Variants in EGFLAM observed in about 807,000 individuals in gnomAD.
The protein encoded by EGFLAM is pikachurin.
EGFLAM carries 79 observed loss-of-function variants against 113.1 expected under a neutral mutation model. The ratio of observed to expected loss-of-function variants is 0.70; its 90% CI spans 0.58 to 0.84. EGFLAM has a LOEUF of 0.84. Ranked by LOEUF, EGFLAM falls within the 40% of genes least tolerant of loss-of-function variation. EGFLAM has a pLI of 0.00. For synonymous variants in EGFLAM, 504 were observed against 487.6 expected (o/e 1.03, Z -0.44); for missense variants, 1,265 against 1,291.6 (o/e 0.98, Z 0.32).
intron 1 of EGFLAM, among the ~76,000 whole-genome samples, chr5:38,267,155 C>T (rs1324232209): frequency 6.6e-6 from 1 of 152,222 alleles, no homozygotes; most frequent in Non-Finnish European, 1.5e-5. Context: ...TCTAAAGACA[C>T]TTGACAATTC....
At chr5:38,358,222 G>T (rs1739814987) in intron 5 of EGFLAM, among the ~76,000 whole-genome samples, 1 of 151,470 alleles carries the variant, frequency 6.6e-6, no homozygotes, top group Non-Finnish European at 1.5e-5. Context: ...GAGGTGGGTG[G>T]ATCACGAGGT....
rs1743422945 is a variant in EGFLAM at position 38,465,020 on chromosome 5, T to TATTC, written c.*1048_*1051dup. On this transcript the variant is annotated 3_prime_UTR_variant, in exon 22 of 22. Transcript: ENST00000322350. ...GAATAAAGGGGACAAAGCTAGAACT[T>TATTC]ATTCATTCATTCATTCACTTATGGA... The TATTC allele has an allele frequency of 6.6e-6, 1 of 152,222 alleles. No individual in the cohort carries two copies. The highest frequency in any genetic ancestry group is 2.1e-4 in the South Asian group (1 of 4,828). The allele number at this position is 152,222 out of a possible 1,614,324, so 9.4% of individuals were successfully genotyped here.
chr5:38,268,560 T>C (rs575522352), intron 1 of EGFLAM, among the ~76,000 whole-genome samples: 2 of 152,294 alleles, frequency 1.3e-5, no homozygotes, highest in South Asian at 4.1e-4. Flanking sequence ...GTTCCTGAAA[T>C]GACAAGAGGA....
chr5:38,295,057 C>G (rs1250629027), intron 1 of EGFLAM, among the ~76,000 whole-genome samples: 2 of 152,154 alleles, frequency 1.3e-5, no homozygotes, highest in African/African-American at 2.4e-5. Flanking sequence ...GAACTCCTGA[C>G]CTCAGGTGAT....
intron 6 of EGFLAM, among the ~76,000 whole-genome samples, chr5:38,392,088 CT>C (rs1740829051): frequency 6.6e-6 from 1 of 152,186 alleles, no homozygotes; most frequent in African/African-American, 2.4e-5. Context: ...GTTATCTTTT[CT>C]GCTCCTCTCC....
At chr5:38,320,173 C>T (rs537370706) in intron 1 of EGFLAM, among the ~76,000 whole-genome samples, 1 of 152,332 alleles carries the variant, frequency 6.6e-6, no homozygotes. Context: ...ACTACTGTTG[C>T]CTCACACAAG....
rs555414321 is a variant in EGFLAM at position 38,407,877 on chromosome 5, A to G, written c.1220A>G (p.Gln407Arg). ...VTFEPLKNSY[Q>R]AFQITLEFRA... Reference sequence around the variant, plus strand: ...TTTGAACCTCTGAAGAATTCTTATCAGGCATTTCAAATTACTCTTGAATTT... The same window carrying G: ...TTTGAACCTCTGAAGAATTCTTATCGGGCATTTCAAATTACTCTTGAATTT... Residue 407 changes from glutamine to arginine, a missense_variant, in exon 9 of 22, where the codon CAG (glutamine) becomes CGG (arginine). By Grantham distance (43) the Gln-to-Arg change is conservative (BLOSUM62 1). Coordinates refer to ENST00000322350, the MANE Select transcript of EGFLAM (RefSeq NM_152403.4). 5 of 1,613,486 alleles carry G rather than the reference A, an allele frequency of 3.1e-6. No individual in the cohort carries two copies. In the Admixed American group the frequency reaches 6.7e-5, roughly 22 times the overall value.
At chr5:38,461,886 C>T (rs907896200) in intron 20 of EGFLAM, among the ~76,000 whole-genome samples, 1 of 152,108 alleles carries the variant, frequency 6.6e-6, no homozygotes. Context: ...GAGCCACTGG[C>T]CGGGTGCAGT....
At chr5:38,295,076 C>T (rs1196988548) in intron 1 of EGFLAM, among the ~76,000 whole-genome samples, 4 of 152,218 alleles carry the variant, frequency 2.6e-5, no homozygotes, top group Non-Finnish European at 5.9e-5. Context: ...ATCTACCCAC[C>T]TTGGCCTCCC....
At chr5:38,446,662 C>A (rs11737983) in intron 17 of EGFLAM, among the ~76,000 whole-genome samples, 25,323 of 152,098 alleles carry the variant, frequency 0.17, 2,776 homozygotes, top group African/African-American at 0.31. Flanking sequence ...CTTCAGAGAA[C>A]CACAGAGCAA....
At chr5:38,335,429 T>C (rs1482979914) in intron 1 of EGFLAM, among the ~76,000 whole-genome samples, 2 of 152,190 alleles carry the variant, frequency 1.3e-5, no homozygotes, top group Non-Finnish European at 2.9e-5. Context: ...TATGATCCTA[T>C]CCTCCTGTGG....
chr5:38,288,946 TG>T, intron 1 of EGFLAM, among the ~76,000 whole-genome samples: 1 of 152,276 alleles, frequency 6.6e-6, no homozygotes, highest in Non-Finnish European at 1.5e-5. Flanking sequence ...GTCCTATAAT[TG>T]GGTCTGTGAT....
rs539833303 is a variant in EGFLAM at position 38,272,072 on chromosome 5, A to G, written c.97+13221A>G. ...ATTTCAGTATGATTCAGAGAAGTGA[A>G]TGCCCCAGGGAGTCACTTTGAAGCA... On this transcript the variant is annotated intron_variant, in intron 1 of 21. Coordinates refer to ENST00000322350, the MANE Select transcript of EGFLAM (RefSeq NM_152403.4). 3.3e-5 allele frequency among the ~76,000 whole-genome samples: 5 copies of G among 152,366 alleles called. No individual in the cohort carries two copies. In the South Asian group the frequency reaches 1.0e-3, roughly 32 times the overall value.
chr5:38,462,846 ATGAT>A (rs1743333908), intron 20 of EGFLAM, 58 bp from the exon 21 acceptor site: 1 of 1,548,894 alleles, frequency 6.5e-7, no homozygotes, highest in Non-Finnish European at 8.9e-7. Context: ...AAATGAATGA[ATGAT>A]TGAATGAACT....
chr5:38,443,068 C>A (rs2112239811), intron 17 of EGFLAM, among the ~76,000 whole-genome samples: 2 of 152,052 alleles, frequency 1.3e-5, no homozygotes, highest in South Asian at 4.2e-4. Context: ...GAGTTTGGGA[C>A]TAGCCTGGGC....
At chr5:38,349,775 A>G (rs2561112) in intron 3 of EGFLAM, among the ~76,000 whole-genome samples, 2,984 of 22,944 alleles carry the variant, frequency 0.13, 31 homozygotes, top group East Asian at 0.31. Flanking sequence ...GTACACACGC[A>G]CACACACACA....
At chr5:38,356,587 T>TTC (rs1561291607) in intron 5 of EGFLAM, among the ~76,000 whole-genome samples, 2 of 152,202 alleles carry the variant, frequency 1.3e-5, no homozygotes. Context: ...CCCATGTCCT[T>TTC]TCATGTTTGT....
In EGFLAM at chr5:38,464,052, T is replaced by G. The variant is rs542561729; in HGVS notation, c.*66T>G. 101 of 1,597,712 alleles carry G rather than the reference T, an allele frequency of 6.3e-5. 1 individual carries two copies. In the African/African-American group the frequency reaches 1.2e-3, roughly 19 times the overall value. On this transcript the variant is annotated 3_prime_UTR_variant, in exon 22 of 22. Coordinates refer to ENST00000322350, the MANE Select transcript of EGFLAM (RefSeq NM_152403.4). The stretch of plus-strand genomic sequence containing the variant: ...GAGAATCCCAGGGGCCCTCAGACCC[T>G]GCCTGATGCTATATGCAGAGGCCCA...
chr5:38,370,251 G>A, intron 5 of EGFLAM, 45 bp from the exon 6 acceptor site: 1 of 1,588,608 alleles, frequency 6.3e-7, no homozygotes, highest in South Asian at 1.1e-5. Flanking sequence ...CCTTCCCTCT[G>A]GTATTTCTGA....
Sources: gnomAD v4.1 joint callset for allele counts (sites outside exome capture counted in the v4.1 genomes callset) on GRCh38, gnomAD v4.1.1 for gene constraint, MANE v1.5 for transcripts, NCBI Gene and HGNC (gene_info 2026-07-23, HGNC 2026-07-21) for gene names.